CPQ: variants seen among roughly 807,000 people sequenced by gnomAD.
CPQ encodes the protein Ser-Met dipeptidase.
In CPQ, 37 loss-of-function variants were observed where a neutral mutation model predicts 45.7. The ratio of observed to expected loss-of-function variants is 0.81; its 90% CI spans 0.62 to 1.07. The LOEUF (loss-of-function observed/expected upper bound fraction) is 1.07, where lower values mean the gene tolerates loss of function less well. CPQ is among the 50% of genes least tolerant of loss of function. The pLI is 0.00. For synonymous variants in CPQ, 186 were observed against 205.8 expected, an observed-to-expected ratio of 0.90 and a Z score of 0.82; for missense variants, 537 against 572.9, an observed-to-expected ratio of 0.94 and a Z score of 0.64.
chr8:96,987,593 C>T (rs1329758407), intron 5 of CPQ, among the ~76,000 whole-genome samples: 1 of 152,120 alleles, frequency 6.6e-6, no homozygotes, highest in Non-Finnish European at 1.5e-5. Context: ...GTCTGGTCAC[C>T]ATAATTGTGC....
chr8:96,851,377 A>C (rs1811768974), intron 3 of CPQ, among the ~76,000 whole-genome samples: 1 of 152,184 alleles, frequency 6.6e-6, no homozygotes, highest in Non-Finnish European at 1.5e-5. Context: ...AGAATACCAT[A>C]GACTGGGTAA....
intron 3 of CPQ, among the ~76,000 whole-genome samples, chr8:96,843,853 C>T (rs1330178558): frequency 3.3e-5 from 5 of 152,172 alleles, no homozygotes; most frequent in African/African-American, 7.2e-5. Flanking sequence ...ATGTAAATTT[C>T]GGCAAAGTAT....
intron 1 of CPQ, among the ~76,000 whole-genome samples, chr8:96,666,995 C>T (rs1456815810): frequency 6.6e-6 from 1 of 152,126 alleles, no homozygotes; most frequent in African/African-American, 2.4e-5. Flanking sequence ...TTTACTTCTT[C>T]CTTACTCATA....
chr8:96,919,196 C>G (rs1307174360), intron 4 of CPQ, among the ~76,000 whole-genome samples: 2 of 151,962 alleles, frequency 1.3e-5, no homozygotes, highest in East Asian at 3.9e-4. Context: ...CCAAGTTAAA[C>G]CTGAAGTCCC....
chr8:96,967,516 A>T (rs138365247), intron 5 of CPQ, among the ~76,000 whole-genome samples: 254 of 152,270 alleles, frequency 1.7e-3, no homozygotes, highest in African/African-American at 5.8e-3. Context: ...AATCACTGTT[A>T]ATTGAATTGA....
chr8:96,675,675 A>G (rs989655188), intron 1 of CPQ, among the ~76,000 whole-genome samples: 1 of 152,020 alleles, frequency 6.6e-6, no homozygotes, highest in Non-Finnish European at 1.5e-5. Context: ...AAGTGTGCCT[A>G]TTTCTCCATT....
chr8:97,123,782 AT>A (rs1254964544), intron 7 of CPQ, among the ~76,000 whole-genome samples: 1 of 152,186 alleles, frequency 6.6e-6, no homozygotes, highest in East Asian at 1.9e-4. Context: ...AATATTTTAA[AT>A]ATAAAAATAG....
At chr8:96,682,201 C>T (rs2130729906) in intron 1 of CPQ, among the ~76,000 whole-genome samples, 1 of 152,258 alleles carries the variant, frequency 6.6e-6, no homozygotes, top group East Asian at 1.9e-4. Context: ...GTGTTCCCCA[C>T]CCAAATCTCA....
At chr8:97,071,644 ATCT>A (rs1394737102) in intron 7 of CPQ, among the ~76,000 whole-genome samples, 2 of 152,186 alleles carry the variant, frequency 1.3e-5, no homozygotes, top group Non-Finnish European at 2.9e-5. Flanking sequence ...TGTGTTTTTA[ATCT>A]TCTTTCACCT....
Position 96,784,973 on chromosome 8 carries a change from A to G in CPQ, c.76A>G (p.Asn26Asp). ...GTGCTCTGGGAAAGCTATATGCAAG[A>G]ATGGCATCTCTAAGAGGACTTTTGA... ...SLCSGKAICK[N>D]GISKRTFEEI... The change falls in exon 2 of 8, where the codon AAT (asparagine) becomes GAT (aspartate). Residue 26 changes from asparagine to aspartate, a missense_variant. Physicochemically the swap from Asn to Asp is conservative, Grantham distance 23. Coordinates refer to ENST00000220763, the MANE Select transcript of CPQ (RefSeq NM_016134.4). The G allele has an allele frequency of 1.2e-6, 2 of 1,613,814 alleles. No homozygotes were observed. Among genetic ancestry groups the G allele is most frequent in the Non-Finnish European group, 1.7e-6 (2 of 1,179,790 alleles).
At chr8:97,084,151 G>T (rs187863252) in intron 7 of CPQ, among the ~76,000 whole-genome samples, 3 of 152,102 alleles carry the variant, frequency 2.0e-5, no homozygotes, top group Admixed American at 6.5e-5. Flanking sequence ...GTTCAGACGT[G>T]GATTTTAAGT....
intron 4 of CPQ, among the ~76,000 whole-genome samples, chr8:96,930,185 A>G (rs1448291911): frequency 6.6e-6 from 1 of 152,230 alleles, no homozygotes. Flanking sequence ...GGAGTCAAAT[A>G]CAGAGAAAGT....
At chr8:96,926,576 C>CTTCTTCTTCT (rs1812882233) in intron 4 of CPQ, among the ~76,000 whole-genome samples, 776 of 75,012 alleles carry the variant, frequency 0.01, 12 homozygotes, top group African/African-American at 0.015. Context: ...CTTCCTCTTC[C>CTTCTTCTTCT]TCTTCTTCTT....
chr8:96,654,296 CT>C (rs1815613114), intron 1 of CPQ, among the ~76,000 whole-genome samples: 1 of 152,172 alleles, frequency 6.6e-6, no homozygotes, highest in Non-Finnish European at 1.5e-5. Context: ...TCATTATTTC[CT>C]TGAATTGGCT....
chr8:96,982,456 G>A (rs747831176), intron 5 of CPQ, among the ~76,000 whole-genome samples: 13 of 151,730 alleles, frequency 8.6e-5, no homozygotes, highest in Non-Finnish European at 1.9e-4. Context: ...CTCCCACCTC[G>A]GCCTCCTGAG....
intron 7 of CPQ, among the ~76,000 whole-genome samples, chr8:97,106,276 C>T (rs1462173307): frequency 1.3e-5 from 2 of 152,214 alleles, no homozygotes; most frequent in African/African-American, 4.8e-5. Flanking sequence ...TGGATATTTC[C>T]TTAACATGCT....
intron 1 of CPQ, among the ~76,000 whole-genome samples, chr8:96,754,677 G>GAAATTTTT (rs1810308921): frequency 6.6e-6 from 1 of 151,814 alleles, no homozygotes. Flanking sequence ...TCACTTTATT[G>GAAATTTTT]AAATTTTTAA....
chr8:96,709,491 T>G (rs1236683728), intron 1 of CPQ, among the ~76,000 whole-genome samples: 1 of 152,188 alleles, frequency 6.6e-6, no homozygotes, highest in East Asian at 1.9e-4. Flanking sequence ...CTTTATCCGC[T>G]TATCTGTTGA....
chr8:97,036,513 G>A (rs1421395591), intron 6 of CPQ, among the ~76,000 whole-genome samples: 2 of 152,168 alleles, frequency 1.3e-5, no homozygotes, highest in Admixed American at 1.3e-4. Flanking sequence ...AAATATAGAT[G>A]AGTTTATTGA....
Sources: gnomAD v4.1 joint callset for allele counts (sites outside exome capture counted in the v4.1 genomes callset) on GRCh38, gnomAD v4.1.1 for gene constraint, MANE v1.5 for transcripts, NCBI Gene and HGNC (gene_info 2026-07-23, HGNC 2026-07-21) for gene names.